Variants in CGGBP1 observed in about 807,000 individuals in gnomAD.
CGGBP1 encodes the protein CGG triplet repeat binding protein 1.
In CGGBP1, 4 loss-of-function variants were observed where a neutral mutation model predicts 11.4. That is an observed-to-expected ratio of 0.35 (90% CI 0.17 to 0.80). CGGBP1 has a LOEUF of 0.80. Among genes scored for constraint, CGGBP1 ranks in the 30% least tolerant of loss-of-function variants. The probability of loss-of-function intolerance (pLI) is 0.52; values close to 1 mark genes in which losing one functional copy is unlikely to be tolerated. For missense variants in CGGBP1, 135 were observed against 202.1 expected (o/e 0.67, Z 2.01); for synonymous variants, 76 against 74.1 (o/e 1.03, Z -0.13).
upstream of CGGBP1, among the ~76,000 whole-genome samples, chr3:88,062,028 G>A (rs1706915156): frequency 6.6e-6 from 1 of 152,066 alleles, no homozygotes. Context: ...TTTCCAGAGG[G>A]GTTTTTGTGT....
chr3:88,135,051 T>C (rs1254236621), intron 2 of CGGBP1: 2 of 1,378,640 alleles, frequency 1.5e-6, no homozygotes, highest in Non-Finnish European at 1.9e-6. Context: ...TCTTTTTTTC[T>C]CATTTACAGG....
At chr3:88,129,960 A>G in intron 2 of CGGBP1, 1 of 706,778 alleles carries the variant, frequency 1.4e-6, no homozygotes, top group Non-Finnish European at 2.0e-6. Context: ...TGCAAGGAAC[A>G]ATAGTAGATT....
chr3:88,056,698 A>G lies in CGGBP1; in HGVS notation c.-24+493T>C, dbSNP rs1391598166. On this transcript the variant is annotated intron_variant, in intron 3 of 3. Transcript: ENST00000482016. ...TCTCTAATACTTGTTTCCTTTTCCC[A>G]TTAAAATTAATAATTACATTTGTTA... is the stretch of plus-strand genomic sequence containing the variant. 13 of 149,124 alleles carry G rather than the reference A, an allele frequency of 8.7e-5. No homozygotes were observed. In the East Asian group the frequency reaches 1.2e-3, roughly 14 times the overall value. The allele number at this position is 149,124 out of a possible 1,614,324, so 9.2% of individuals were successfully genotyped here. A position where few individuals can be genotyped will look rare whatever the true frequency, so the allele number is the denominator to read the frequency against.
intron 1 of CGGBP1, among the ~76,000 whole-genome samples, chr3:88,146,149 C>T (rs1707308833): frequency 6.6e-6 from 1 of 152,146 alleles, no homozygotes; most frequent in African/African-American, 2.4e-5. Flanking sequence ...TCAGCATCAC[C>T]TGGAAATTTG....
At chr3:88,128,657 A>T (rs1706266042) in intron 2 of CGGBP1, among the ~76,000 whole-genome samples, 1 of 152,158 alleles carries the variant, frequency 6.6e-6, no homozygotes, top group African/African-American at 2.4e-5. Flanking sequence ...CATATAACTG[A>T]ATATTTTCAC....
At chr3:88,072,379 C>T (rs1254719195) in intron 2 of CGGBP1, among the ~76,000 whole-genome samples, 2 of 152,178 alleles carry the variant, frequency 1.3e-5, no homozygotes, top group Admixed American at 6.5e-5. Flanking sequence ...ACTTCTGTAT[C>T]TCAGAGTCAA....
At position 88,055,322 on chromosome 3, in the gene CGGBP1, GTTTT is replaced by G. The variant is rs878955184; in HGVS notation, c.*147_*150del. The stretch of plus-strand genomic sequence containing the variant: ...TAACAATAAGTTTTGCAGTGAGGTG[GTTTT>G]TTTTTTGCCTGCAACTATATACACA... On this transcript the variant is annotated 3_prime_UTR_variant, in exon 4 of 4. Coordinates refer to ENST00000482016, the MANE Select transcript of CGGBP1 (RefSeq NM_001008390.2). This position sits in a 1 kb window ranked among gnomAD's most constrained non-coding sequence, Gnocchi z 4.2. 5.1e-6 allele frequency: 3 copies of G among 583,014 alleles called. No individual in the cohort carries two copies. The highest frequency in any genetic ancestry group is 7.8e-6 in the Non-Finnish European group (3 of 385,346). 36.1% of individuals were successfully genotyped at this position (583,014 alleles called of 1,614,324 possible).
chr3:88,077,509 A>ATT (rs11379558), intron 2 of CGGBP1, among the ~76,000 whole-genome samples: 19 of 151,556 alleles, frequency 1.3e-4, no homozygotes, highest in East Asian at 1.9e-4. Flanking sequence ...ATTTTTTGTG[A>ATT]TTTTTTTAGT....
rs528583769 is a variant in CGGBP1, at chr3:88,076,915, C to T, written c.-228-18692G>A. The stretch of plus-strand genomic sequence containing the variant: ...ACTCTGACCTGCCTCAAAGGTGGTG[C>T]AAGTAGCTAACTCAAGAGGGATATG... On this transcript the variant is annotated intron_variant, in intron 2 of 3. Coordinates refer to the CGGBP1 transcript ENST00000462901. Among the ~76,000 whole-genome samples, 14 of 152,172 alleles carry T rather than the reference C, an allele frequency of 9.2e-5. No homozygotes were observed. The East Asian group carries it at 2.5e-3, about 27-fold the overall frequency.
chr3:88,127,965 C>A (rs1172620922), intron 2 of CGGBP1, among the ~76,000 whole-genome samples: 1 of 152,048 alleles, frequency 6.6e-6, no homozygotes, highest in African/African-American at 2.4e-5. Flanking sequence ...CAAAATAAAA[C>A]ATTTGTAAGC....
intron 2 of CGGBP1, among the ~76,000 whole-genome samples, chr3:88,072,541 A>G (rs1035870721): frequency 6.6e-6 from 1 of 152,158 alleles, no homozygotes; most frequent in Non-Finnish European, 1.5e-5. Flanking sequence ...TGTCTGCCAG[A>G]AACATGTTTC....
intron 2 of CGGBP1, among the ~76,000 whole-genome samples, chr3:88,065,189 A>G (rs940430446): frequency 6.6e-6 from 1 of 152,256 alleles, no homozygotes; most frequent in Non-Finnish European, 1.5e-5. Flanking sequence ...TTCCCTGGAA[A>G]GACATCAACT....
chr3:88,105,589 GC>G (rs1239373280), intron 2 of CGGBP1, among the ~76,000 whole-genome samples: 2 of 152,102 alleles, frequency 1.3e-5, no homozygotes, highest in Non-Finnish European at 2.9e-5. Context: ...TGCTAAATAT[GC>G]CCAGTGTTCC....
intron 1 of CGGBP1, among the ~76,000 whole-genome samples, chr3:88,145,311 G>T (rs1205743722): frequency 2.0e-5 from 3 of 151,986 alleles, no homozygotes. Context: ...GATGTGATGA[G>T]ACCACACTGC....
intron 2 of CGGBP1, among the ~76,000 whole-genome samples, chr3:88,085,028 A>G (rs1708263879): frequency 6.6e-6 from 1 of 152,198 alleles, no homozygotes; most frequent in African/African-American, 2.4e-5. Context: ...TCTGTTTTTC[A>G]AGGCTGCTTC....
intron 2 of CGGBP1, chr3:88,129,586 T>A (rs1345719164): frequency 1.0e-6 from 1 of 968,506 alleles, no homozygotes; most frequent in Non-Finnish European, 1.4e-6. Context: ...AGAAGAAAAC[T>A]AGAAATCTAA....
Position 88,055,609 on chromosome 3 carries a change from T to G in CGGBP1, c.368A>C (p.His123Pro). Residue 123 changes from histidine to proline, a missense_variant, in exon 4 of 4, where the codon CAC (histidine) becomes CCC (proline). Transcript: ENST00000482016. This position sits in a 1 kb window ranked among gnomAD's most constrained non-coding sequence, Gnocchi z 4.2. The stretch of plus-strand genomic sequence containing the variant: ...AGATAGGAAAGCACGGACTGCTGGG[T>G]GATCAGCCTTCTCAAGTGGGATGTT... ...EANIPLEKAD[H>P]PAVRAFLSRH... 6.2e-7 allele frequency: 1 copy of G among 1,614,170 alleles called. No homozygotes were observed. Among genetic ancestry groups the G allele is most frequent in the Non-Finnish European group, 8.5e-7 (1 of 1,180,000 alleles).
intron 1 of CGGBP1, chr3:88,143,831 T>C (rs1447603169): frequency 1.3e-5 from 2 of 151,908 alleles, no homozygotes; most frequent in African/African-American, 2.4e-5. Context: ...TTAACCTCGG[T>C]TTATATACTT....
intron 2 of CGGBP1, among the ~76,000 whole-genome samples, chr3:88,137,378 G>A (rs147615800): frequency 1.9e-3 from 282 of 152,074 alleles, no homozygotes; most frequent in Middle Eastern, 6.8e-3. Flanking sequence ...TGTAAATGAT[G>A]GATTTATAGG....
Sources: allele counts gnomAD v4.1 joint callset (sites outside exome capture counted in the v4.1 genomes callset), GRCh38; gene constraint gnomAD v4.1.1; non-coding constraint Gnocchi (gnomAD v3.1); transcripts MANE v1.5; gene names NCBI Gene and HGNC (gene_info 2026-07-23, HGNC 2026-07-21).